Variants in SLMAP observed in about 807,000 individuals in gnomAD.
SLMAP encodes the protein sarcolemma associated protein, also known as sarcolemmal membrane-associated protein.
A neutral mutation model predicts 128.8 loss-of-function variants in SLMAP; 44 were observed. The observed-to-expected ratio is 0.34, with a 90% CI of 0.27 to 0.44. The LOEUF is 0.44. Among genes scored for constraint, SLMAP ranks in the 20% least tolerant of loss-of-function variants. The pLI is 1.00. For missense variants in SLMAP, 787 were observed against 985.3 expected (o/e 0.80, Z 2.69); for synonymous variants, 327 against 348.8 (o/e 0.94, Z 0.70).
At chr3:57,775,537 A>AG (rs2081721465) in intron 2 of SLMAP, among the ~76,000 whole-genome samples, 1 of 148,988 alleles carries the variant, frequency 6.7e-6, no homozygotes, top group Admixed American at 6.6e-5. Context: ...AAAAAAAAAA[A>AG]AGAGCCGGGC....
At chr3:57,774,464 G>C (rs1198774346) in intron 2 of SLMAP, among the ~76,000 whole-genome samples, 2 of 151,758 alleles carry the variant, frequency 1.3e-5, no homozygotes, top group African/African-American at 4.8e-5. Context: ...CTTTGTCATA[G>C]TGGTATGTAG....
chr3:57,850,500 C>G (rs1422604279), intron 6 of SLMAP, among the ~76,000 whole-genome samples: 1 of 152,082 alleles, frequency 6.6e-6, no homozygotes, highest in African/African-American at 2.4e-5. Context: ...CTCACTACAG[C>G]CTCGAACTCC....
intron 2 of SLMAP, among the ~76,000 whole-genome samples, chr3:57,824,751 A>G (rs1267058837): frequency 3.3e-5 from 5 of 152,142 alleles, no homozygotes; most frequent in Admixed American, 6.6e-5. Flanking sequence ...CAATTTCCAT[A>G]TGAATTTGAG....
chr3:57,912,355 A>C, intron 19 of SLMAP, 26 bp from the exon 20 acceptor site: 5 of 1,590,744 alleles, frequency 3.1e-6, no homozygotes, highest in Non-Finnish European at 4.3e-6. Flanking sequence ...TAATGGGCCA[A>C]GAAAATGATG....
chr3:57,781,954 G>A (rs1021381843), intron 2 of SLMAP, among the ~76,000 whole-genome samples: 3 of 151,970 alleles, frequency 2.0e-5, no homozygotes, highest in Admixed American at 6.6e-5. Context: ...GGCTGGTCTC[G>A]AATTCCTGAC....
chr3:57,917,632 T>A (rs187939283), intron 22 of SLMAP: 3 of 154,594 alleles, frequency 1.9e-5, no homozygotes, highest in Admixed American at 1.9e-4. Flanking sequence ...AGTGGCTTTT[T>A]AAAAATTTGT....
chr3:57,885,715 G>A (rs1358425310), intron 14 of SLMAP, among the ~76,000 whole-genome samples: 3 of 147,546 alleles, frequency 2.0e-5, no homozygotes, highest in Non-Finnish European at 3.0e-5. Flanking sequence ...TACCGCGCCC[G>A]GCCATCTTGT....
intron 14 of SLMAP, among the ~76,000 whole-genome samples, chr3:57,883,277 T>G (rs1285115942): frequency 6.6e-6 from 1 of 152,166 alleles, no homozygotes; most frequent in Non-Finnish European, 1.5e-5. Flanking sequence ...TAAGTCCCAG[T>G]GGTATTTCTG....
At chr3:57,917,735 T>C (rs2096841185) in intron 22 of SLMAP, 1 of 153,338 alleles carries the variant, frequency 6.5e-6, no homozygotes, top group Non-Finnish European at 1.5e-5. Flanking sequence ...AGCCTTGAAG[T>C]TGACAGCAGG....
chr3:57,861,571 AT>A (rs1345301747), intron 9 of SLMAP, among the ~76,000 whole-genome samples: 1 of 152,090 alleles, frequency 6.6e-6, no homozygotes, highest in Admixed American at 6.6e-5. Flanking sequence ...GTGTCTTTTA[AT>A]TTTTTATTAA....
intron 2 of SLMAP, among the ~76,000 whole-genome samples, chr3:57,827,769 G>A (rs1157794730): frequency 6.6e-6 from 1 of 152,142 alleles, no homozygotes; most frequent in Non-Finnish European, 1.5e-5. Context: ...CTTTTTTAAT[G>A]TGGTCAAAAC....
At chr3:57,791,193 TAAA>T (rs2085373248) in intron 2 of SLMAP, among the ~76,000 whole-genome samples, 1 of 151,668 alleles carries the variant, frequency 6.6e-6, no homozygotes, top group Non-Finnish European at 1.5e-5. Flanking sequence ...CCATCTCTAC[TAAA>T]AATACAAAAA....
chr3:57,845,684 G>T (rs1334874291), intron 4 of SLMAP, among the ~76,000 whole-genome samples: 1 of 152,130 alleles, frequency 6.6e-6, no homozygotes, highest in Non-Finnish European at 1.5e-5. Flanking sequence ...ACAGGGATTT[G>T]TAAAATAGGG....
At chr3:57,885,771 CTTTTTTTTTT>C (rs35541333) in intron 14 of SLMAP, among the ~76,000 whole-genome samples, 80 of 53,560 alleles carry the variant, frequency 1.5e-3, no homozygotes, top group South Asian at 9.6e-3. Context: ...GTTTTTGGTT[CTTTTTTTTTT>C]TTTTTTTTTT....
intron 2 of SLMAP, among the ~76,000 whole-genome samples, chr3:57,798,088 G>A (rs1452380810): frequency 6.6e-6 from 1 of 152,142 alleles, no homozygotes; most frequent in East Asian, 1.9e-4. Flanking sequence ...CATGGCACAC[G>A]GTAAAGACTA....
chr3:57,807,134 T>A (rs1429513044), intron 2 of SLMAP, among the ~76,000 whole-genome samples: 2 of 152,256 alleles, frequency 1.3e-5, no homozygotes, highest in Non-Finnish European at 1.5e-5. Context: ...GAGCTTTCTT[T>A]CATATATTTG....
chr3:57,853,061 A>G (rs2094565301), intron 6 of SLMAP, among the ~76,000 whole-genome samples: 1 of 152,248 alleles, frequency 6.6e-6, no homozygotes, highest in Non-Finnish European at 1.5e-5. Context: ...GTTAAACTCT[A>G]AATGGAATTG....
intron 3 of SLMAP, among the ~76,000 whole-genome samples, chr3:57,837,907 T>A (rs2093714870): frequency 6.6e-6 from 1 of 152,250 alleles, no homozygotes; most frequent in Admixed American, 6.5e-5. Flanking sequence ...CATCGTTGAC[T>A]GGACTAAATT....
chr3:57,887,391 A>G (rs2095922194), intron 14 of SLMAP, among the ~76,000 whole-genome samples: 1 of 151,910 alleles, frequency 6.6e-6, no homozygotes, highest in Non-Finnish European at 1.5e-5. Context: ...CACCACATCC[A>G]GCTAATTTTG....
Sources: allele counts gnomAD v4.1 joint callset (sites outside exome capture counted in the v4.1 genomes callset), GRCh38; gene constraint gnomAD v4.1.1; transcripts MANE v1.5; gene names NCBI Gene and HGNC (gene_info 2026-07-23, HGNC 2026-07-21).